MYL4: variants seen among roughly 807,000 people sequenced by gnomAD.
MYL4 encodes myosin light chain 4.
MYL4 carries 16 observed loss-of-function variants against 21.6 expected under a neutral mutation model. The observed-to-expected ratio is 0.74, with a 90% CI of 0.50 to 1.12. The LOEUF (loss-of-function observed/expected upper bound fraction) is 1.12, where lower values mean the gene tolerates loss of function less well. MYL4 is among the 50% of genes most tolerant of loss of function. MYL4 has a pLI of 0.00. For synonymous variants in MYL4, 82 were observed against 95.7 expected (o/e 0.86, Z 0.83); for missense variants, 249 against 252.9 (o/e 0.98, Z 0.11).
At chr17:47,197,588 T>TCTTGCACATAAATCCTTAAAGG (rs2064694198), upstream of MYL4, among the ~76,000 whole-genome samples, 1 of 152,144 alleles carries the variant, frequency 6.6e-6, no homozygotes, top group Admixed American at 6.5e-5. Flanking sequence ...TTTATGATGG[T>TCTTGCACATAAATCCTTAAAGG]GTAGAAGCAA....
chr17:47,212,829 T>C (rs1489719303), intron 1 of MYL4, among the ~76,000 whole-genome samples: 1 of 152,214 alleles, frequency 6.6e-6, no homozygotes, highest in Non-Finnish European at 1.5e-5. Flanking sequence ...ACAACTTAGT[T>C]TCAGCTTGGT....
At chr17:47,207,610 G>A (rs2064736663), upstream of MYL4, among the ~76,000 whole-genome samples, 1 of 152,110 alleles carries the variant, frequency 6.6e-6, no homozygotes, top group African/African-American at 2.4e-5. Flanking sequence ...AGGAAACTGG[G>A]CCTAGAAAGG....
the MYL4 span, among the ~76,000 whole-genome samples, chr17:47,189,588 G>A: frequency 6.6e-6 from 1 of 152,274 alleles, no homozygotes; most frequent in South Asian, 2.1e-4. Flanking sequence ...TGACAGCGCG[G>A]GCGGGTAGCG....
At chr17:47,216,307 C>CTTT (rs11339637) in intron 2 of MYL4, among the ~76,000 whole-genome samples, 1 of 138,180 alleles carries the variant, frequency 7.2e-6, no homozygotes, top group Non-Finnish European at 1.6e-5. Flanking sequence ...TTCACACTGG[C>CTTT]TTTTTTTTTT....
rs1346635317 is a variant in MYL4 at position 47,221,861 on chromosome 17, C to A, written c.487+6C>A. 2 of 1,610,532 alleles carry A rather than the reference C, an allele frequency of 1.2e-6. No individual in the cohort carries two copies. Among genetic ancestry groups the A allele is most frequent in the Admixed American group, 1.7e-5 (1 of 59,766 alleles). ...GCACGTCCTTGCCACCCTGGGTATG[C>A]CAGCTGGGCAGAGATGAAGACCAAG... On this transcript the variant is annotated splice_donor_region_variant and intron_variant, in intron 4 of 6. Coordinates refer to ENST00000393450, the MANE Select transcript of MYL4 (RefSeq NM_002476.2).
the MYL4 span, among the ~76,000 whole-genome samples, chr17:47,189,597 C>T: frequency 2.0e-5 from 3 of 152,236 alleles, no homozygotes; most frequent in East Asian, 1.9e-4. Context: ...GGGCGGGTAG[C>T]GTTACGTGGC....
rs748599728 is a variant in MYL4, at chr17:47,213,898, A to G, written c.163+72A>G. 7 of 1,516,118 alleles carry G rather than the reference A, an allele frequency of 4.6e-6. No homozygotes were observed. The Admixed American group carries it at 8.3e-5, about 18-fold the overall frequency. 93.9% of individuals were successfully genotyped at this position (1,516,118 alleles called of 1,614,324 possible). On this transcript the variant is annotated intron_variant, in intron 2 of 6. Coordinates refer to ENST00000393450, the MANE Select transcript of MYL4 (RefSeq NM_002476.2). Reference sequence around the variant, plus strand: ...GAGGAGGAGGAGGAGGAGGAAGAAGAGGAGGAGTAGTTGTCCTCATGGTAA... The same window carrying G: ...GAGGAGGAGGAGGAGGAGGAAGAAGGGGAGGAGTAGTTGTCCTCATGGTAA...
At chr17:47,191,663 G>A in the MYL4 span, among the ~76,000 whole-genome samples, 1 of 152,146 alleles carries the variant, frequency 6.6e-6, no homozygotes, top group Non-Finnish European at 1.5e-5. Context: ...TAGAGACGGG[G>A]TTTCACCATG....
chr17:47,223,264 C>T (rs2064870103), intron 6 of MYL4: 1 of 573,940 alleles, frequency 1.7e-6, no homozygotes. Context: ...CCCTATCAGT[C>T]ACATCCTCTT....
chr17:47,196,932 G>A (rs976313151), upstream of MYL4, among the ~76,000 whole-genome samples: 14 of 151,396 alleles, frequency 9.2e-5, no homozygotes, highest in South Asian at 8.3e-4. Flanking sequence ...CTCTTGTTTC[G>A]TTAAAATATT....
chr17:47,196,152 T>C (rs886161778), upstream of MYL4, among the ~76,000 whole-genome samples: 3 of 152,206 alleles, frequency 2.0e-5, no homozygotes, highest in Admixed American at 1.3e-4. Context: ...AGTTAAATGA[T>C]ATCATAAAGA....
At chr17:47,222,290 A>G in intron 4 of MYL4, 90 bp from the exon 5 acceptor site, 1 of 1,257,640 alleles carries the variant, frequency 8.0e-7, no homozygotes, top group Non-Finnish European at 1.2e-6. Flanking sequence ...GCAGTCTTGG[A>G]CCTTCACACT....
chr17:47,211,057 C>T (rs1187142262), intron 1 of MYL4, among the ~76,000 whole-genome samples: 1 of 152,068 alleles, frequency 6.6e-6, no homozygotes, highest in Non-Finnish European at 1.5e-5. Flanking sequence ...TTCTTTCATT[C>T]ACTCTCCTCT....
chr17:47,223,252 G>T, intron 6 of MYL4, 195 bp downstream of exon 6: 1 of 598,814 alleles, frequency 1.7e-6, no homozygotes, highest in Non-Finnish European at 2.9e-6. Flanking sequence ...ACCCTGTCTT[G>T]ACCCTATCAG....
intron 2 of MYL4, among the ~76,000 whole-genome samples, chr17:47,215,128 C>T (rs1158241260): frequency 6.6e-6 from 1 of 152,208 alleles, no homozygotes; most frequent in Non-Finnish European, 1.5e-5. Flanking sequence ...TGAGAGCTGG[C>T]ATATGCATTT....
At chr17:47,210,227 C>G (rs962632748) in intron 1 of MYL4, among the ~76,000 whole-genome samples, 1 of 152,184 alleles carries the variant, frequency 6.6e-6, no homozygotes, top group Non-Finnish European at 1.5e-5. Flanking sequence ...TCTCTCCAAC[C>G]GGGTCAGGAA....
chr17:47,227,202 T>C (rs2064888832), downstream of MYL4, among the ~76,000 whole-genome samples: 1 of 152,196 alleles, frequency 6.6e-6, no homozygotes, highest in African/African-American at 2.4e-5. Context: ...CCAGTGCAAC[T>C]TATTTGCTGC....
At chr17:47,213,591 G>A (rs914827938) in intron 1 of MYL4, among the ~76,000 whole-genome samples, 2 of 152,126 alleles carry the variant, frequency 1.3e-5, no homozygotes, top group Admixed American at 6.5e-5. Context: ...GAGGAGGGCC[G>A]ACGGTATTTT....
upstream of MYL4, among the ~76,000 whole-genome samples, chr17:47,200,152 C>T (rs2064704454): frequency 1.4e-5 from 2 of 147,152 alleles, no homozygotes; most frequent in Admixed American, 1.4e-4. Flanking sequence ...AAGACAAGCA[C>T]ACTAGATCTA....
Sources: allele counts gnomAD v4.1 joint callset (sites outside exome capture counted in the v4.1 genomes callset), GRCh38; gene constraint gnomAD v4.1.1; transcripts MANE v1.5; gene names NCBI Gene and HGNC (gene_info 2026-07-23, HGNC 2026-07-21).